ARFGEF3: variants seen among roughly 807,000 people sequenced by gnomAD.
ARFGEF3 encodes the protein ARFGEF family member 3.
In ARFGEF3, 96 loss-of-function variants were observed where a neutral mutation model predicts 221.7. The ratio of observed to expected loss-of-function variants is 0.43; its 90% confidence interval spans 0.37 to 0.51. ARFGEF3 has a LOEUF of 0.51. Ranked by LOEUF, ARFGEF3 falls within the 20% of genes least tolerant of loss-of-function variation. The pLI, the probability that ARFGEF3 is intolerant of heterozygous loss-of-function variation, is 0.00. For missense variants in ARFGEF3, 2,410 were observed against 2,789.9 expected, an observed-to-expected ratio of 0.86 and a Z score of 3.07; for synonymous variants, 1,145 against 1,126.8, an observed-to-expected ratio of 1.02 and a Z score of -0.32.
At chr6:138,219,748 A>G (rs1344948693) in intron 4 of ARFGEF3, among the ~76,000 whole-genome samples, 1 of 151,900 alleles carries the variant, frequency 6.6e-6, no homozygotes, top group Admixed American at 6.6e-5. Context: ...CTGAGTTCAT[A>G]TTATCAGGTC....
chr6:138,261,381 G>A lies in ARFGEF3; in HGVS notation c.1105-146G>A, dbSNP rs137990189. The stretch of plus-strand genomic sequence containing the variant: ...AGAAAACCTAAATCAGCTTTACTAA[G>A]ATTGGAAGTTCCAAATAATTCTGTT... On this transcript the variant is annotated intron_variant, in intron 10 of 33. Transcript: ENST00000251691. The A allele has an allele frequency of 6.7e-4, 339 of 504,484 alleles. 2 individuals are homozygous for A. The East Asian group carries it at 8.8e-3, about 13-fold the overall frequency. 31.3% of individuals were successfully genotyped at this position (504,484 alleles called of 1,614,324 possible).
chr6:138,319,021 A>C (rs1779974429), intron 27 of ARFGEF3, among the ~76,000 whole-genome samples: 1 of 152,082 alleles, frequency 6.6e-6, no homozygotes, highest in Non-Finnish European at 1.5e-5. Context: ...TGGTGTGATC[A>C]TAGCTCACTG....
In ARFGEF3 at chr6:138,340,674, G is replaced by C. The variant is rs1052777412; in HGVS notation, c.*4188G>C. The C allele has an allele frequency of 6.6e-5, 10 of 152,048 alleles. No homozygotes were observed. The highest frequency in any genetic ancestry group is 1.7e-4 in the African/African-American group (7 of 41,396). 9.4% of individuals were successfully genotyped at this position (152,048 alleles called of 1,614,324 possible). The stretch of plus-strand genomic sequence containing the variant: ...TGTTGTGTTCCTCATTTTTTCAGAG[G>C]GGAACACAGACCCAGAGAGGTTAAG... On this transcript the variant is annotated 3_prime_UTR_variant, in exon 34 of 34. Coordinates refer to ENST00000251691, the MANE Select transcript of ARFGEF3 (RefSeq NM_020340.5).
intron 5 of ARFGEF3, among the ~76,000 whole-genome samples, chr6:138,232,134 A>G (rs888826219): frequency 4.6e-5 from 7 of 152,214 alleles, no homozygotes; most frequent in African/African-American, 1.2e-4. Context: ...GGTAGCAGAT[A>G]TGTTGAGTTT....
At chr6:138,167,060 C>G (rs550448099) in intron 1 of ARFGEF3, among the ~76,000 whole-genome samples, 1 of 152,340 alleles carries the variant, frequency 6.6e-6, no homozygotes, top group African/African-American at 2.4e-5. Flanking sequence ...ATTCGGCTGG[C>G]AGACCATTCT....
At chr6:138,171,447 T>G (rs1296544973) in intron 2 of ARFGEF3, among the ~76,000 whole-genome samples, 1 of 152,194 alleles carries the variant, frequency 6.6e-6, no homozygotes, top group African/African-American at 2.4e-5. Context: ...AAGCTCTGAT[T>G]GGCAACCCTG....
chr6:138,163,570 T>G (rs73561209), intron 1 of ARFGEF3, among the ~76,000 whole-genome samples: 4,685 of 152,300 alleles, frequency 0.031, 241 homozygotes, highest in African/African-American at 0.11. Flanking sequence ...TTGCTGCAAA[T>G]TAAGCAGATT....
In ARFGEF3 at chr6:138,255,688, C is replaced by T. The variant is rs769604070; in HGVS notation, c.1023C>T (p.Pro341=). 16 of 1,612,932 alleles carry T rather than the reference C, an allele frequency of 9.9e-6. No individual in the cohort carries two copies. The highest frequency in any genetic ancestry group is 1.6e-4 in the Middle Eastern group (1 of 6,074). The change falls in exon 10 of 34, where the codon CCC becomes CCT. Residue 341 remains proline, a synonymous_variant. Transcript: ENST00000251691. ...RLVGSVDSMK[P]VLQSLYHRVL... is the part of the protein sequence containing the mutation. ...TGGGGTCTGTGGACTCCATGAAGCC[C>T]GTGCTCCAGTCCCTCTACCACCGAG... is the stretch of plus-strand genomic sequence containing the variant.
At chr6:138,199,377 T>A (rs1187213461) in intron 2 of ARFGEF3, among the ~76,000 whole-genome samples, 1 of 152,158 alleles carries the variant, frequency 6.6e-6, no homozygotes, top group Non-Finnish European at 1.5e-5. Context: ...TAAGCAGACC[T>A]CAGAAATGTA....
intron 12 of ARFGEF3, among the ~76,000 whole-genome samples, chr6:138,274,328 A>G (rs559793404): frequency 2.0e-5 from 3 of 152,142 alleles, no homozygotes; most frequent in Non-Finnish European, 4.4e-5. Flanking sequence ...CTGTTTTACC[A>G]TGGAAGGAGA....
At position 138,313,854 on chromosome 6, in the gene ARFGEF3, C is replaced by G; in HGVS notation, c.4260C>G (p.Ala1420=). ...LKPIFLSGRL[A]GLPRRLQEQS... ...CAATATTCCTTAGTGGGAGACTTGC[C>G]GGCTTGCCTCGAAGACTTCAGGAAC... The change falls in exon 26 of 34, where the codon GCC becomes GCG. Residue 1420 remains alanine (A), a synonymous_variant. Coordinates refer to ENST00000251691, the MANE Select transcript of ARFGEF3 (RefSeq NM_020340.5). 1 of 1,613,828 alleles carries G rather than the reference C, an allele frequency of 6.2e-7. No homozygotes were observed. Among genetic ancestry groups the G allele is most frequent in the Non-Finnish European group, 8.5e-7 (1 of 1,179,792 alleles).
intron 2 of ARFGEF3, among the ~76,000 whole-genome samples, chr6:138,177,112 C>T (rs1208973072): frequency 6.7e-6 from 1 of 148,970 alleles, no homozygotes; most frequent in Non-Finnish European, 1.5e-5. Flanking sequence ...TTTTTTGAGA[C>T]ACGGTCATGC....
At chr6:138,303,877 AAAAAAAAAAAAG>A (rs1213610128) in intron 22 of ARFGEF3, among the ~76,000 whole-genome samples, 2 of 150,648 alleles carry the variant, frequency 1.3e-5, no homozygotes, top group African/African-American at 2.4e-5. Flanking sequence ...AAAAAAAAAA[AAAAAAAAAAAAG>A]ATAATAGCAA....
intron 21 of ARFGEF3, 65 bp from the exon 22 acceptor site, chr6:138,298,541 C>T: frequency 1.5e-6 from 2 of 1,358,876 alleles, no homozygotes; most frequent in Non-Finnish European, 2.0e-6. Flanking sequence ...GGTAGGAAAG[C>T]CTTCAGAAAC....
chr6:138,280,088 C>T lies in ARFGEF3; in HGVS notation c.2385C>T (p.Asp795=), dbSNP rs1779169359. The T allele has an allele frequency of 6.2e-7, 1 of 1,613,816 alleles. No individual in the cohort carries two copies. Among genetic ancestry groups the T allele is most frequent in the South Asian group, 1.1e-5 (1 of 91,078 alleles). The part of the protein sequence containing the change: ...WIEELYHQVL[D]RNMLGEAGYW... ...AGGAGCTCTACCATCAGGTGCTCGA[C>T]AGGAACATGCTTGGAGAGGCTGGCT... is the stretch of plus-strand genomic sequence containing the variant. The change falls in exon 14 of 34, where the codon GAC becomes GAT. Residue 795 remains aspartate (D), a synonymous_variant. Coordinates refer to ENST00000251691, the MANE Select transcript of ARFGEF3 (RefSeq NM_020340.5).
intron 2 of ARFGEF3, among the ~76,000 whole-genome samples, chr6:138,178,355 T>C (rs1776997197): frequency 6.6e-6 from 1 of 152,192 alleles, no homozygotes; most frequent in Non-Finnish European, 1.5e-5. Flanking sequence ...ACTAAAATGT[T>C]AGGGGAACAT....
chr6:138,249,349 T>G (rs1778539964), intron 8 of ARFGEF3, among the ~76,000 whole-genome samples: 1 of 152,232 alleles, frequency 6.6e-6, no homozygotes, highest in Non-Finnish European at 1.5e-5. Flanking sequence ...TTTTATTTTT[T>G]GAGACAGTCT....
intron 2 of ARFGEF3, among the ~76,000 whole-genome samples, chr6:138,178,418 C>A (rs557133153): frequency 6.6e-6 from 1 of 152,290 alleles, no homozygotes; most frequent in South Asian, 2.1e-4. Flanking sequence ...TTATAACATG[C>A]AGCCTTTCTC....
chr6:138,228,172 ATTT>A (rs549915422), intron 4 of ARFGEF3, among the ~76,000 whole-genome samples: 1,984 of 106,352 alleles, frequency 0.019, 32 homozygotes, highest in East Asian at 0.087. Flanking sequence ...CACTGAGACA[ATTT>A]TTTTTTTTTT....
Sources: gnomAD v4.1 joint callset for allele counts (sites outside exome capture counted in the v4.1 genomes callset) on GRCh38, gnomAD v4.1.1 for gene constraint, MANE v1.5 for transcripts, NCBI Gene and HGNC (gene_info 2026-07-23, HGNC 2026-07-21) for gene names.